ZFYVE9: variants seen among roughly 807,000 people sequenced by gnomAD.
ZFYVE9 encodes zinc finger FYVE-type containing 9.
In ZFYVE9, 43 loss-of-function variants were observed where a neutral mutation model predicts 126.7. The observed-to-expected ratio is 0.34, with a 90% CI of 0.27 to 0.44. The LOEUF is 0.44. ZFYVE9 is among the 20% of genes least tolerant of loss of function. The pLI, the probability that ZFYVE9 is intolerant of heterozygous loss-of-function variation, is 1.00. For missense variants in ZFYVE9, 1,476 were observed against 1,697.0 expected (o/e 0.87, Z 2.29); for synonymous variants, 521 against 597.4 (o/e 0.87, Z 1.87).
intron 1 of ZFYVE9, chr1:52,162,399 T>G: frequency 3.3e-6 from 1 of 305,818 alleles, no homozygotes. Context: ...GTTCTGCCCA[T>G]ATAGATGCCT....
chr1:52,270,840 G>A (rs949264656), intron 7 of ZFYVE9, among the ~76,000 whole-genome samples: 1 of 150,558 alleles, frequency 6.6e-6, no homozygotes, highest in African/African-American at 2.4e-5. Flanking sequence ...ACATTTTTTG[G>A]CAGTAATGAC....
intron 1 of ZFYVE9, among the ~76,000 whole-genome samples, chr1:52,152,020 G>C (rs1259448140): frequency 2.0e-5 from 3 of 151,220 alleles, no homozygotes; most frequent in Non-Finnish European, 4.4e-5. Flanking sequence ...ATGGAGTTTT[G>C]CTCTTGTTAC....
At chr1:52,198,319 C>T (rs895755294) in intron 1 of ZFYVE9, among the ~76,000 whole-genome samples, 5 of 151,666 alleles carry the variant, frequency 3.3e-5, no homozygotes, top group East Asian at 1.9e-4. Context: ...TGTGGGGTTT[C>T]GCTGGTCTCG....
At chr1:52,310,750 A>G (rs987324429) in intron 13 of ZFYVE9, among the ~76,000 whole-genome samples, 2 of 152,214 alleles carry the variant, frequency 1.3e-5, no homozygotes, top group Non-Finnish European at 2.9e-5. Flanking sequence ...TACATTTTGT[A>G]TGTAACCAGA....
chr1:52,188,307 G>A (rs186158400), intron 1 of ZFYVE9, among the ~76,000 whole-genome samples: 3 of 152,054 alleles, frequency 2.0e-5, no homozygotes, highest in East Asian at 1.9e-4. Context: ...GGGGAACAAC[G>A]GACACTGGGT....
intron 1 of ZFYVE9, among the ~76,000 whole-genome samples, chr1:52,204,026 T>A (rs1204185078): frequency 2.0e-5 from 3 of 152,206 alleles, no homozygotes; most frequent in Non-Finnish European, 4.4e-5. Flanking sequence ...GTCTGATAAT[T>A]CTAGCATCTC....
intron 1 of ZFYVE9, among the ~76,000 whole-genome samples, chr1:52,147,101 T>C (rs955731592): frequency 6.6e-6 from 1 of 152,206 alleles, no homozygotes; most frequent in African/African-American, 2.4e-5. Flanking sequence ...CGTATAAGTA[T>C]ACATGAAACA....
chr1:52,177,486 C>G (rs1163025308), intron 1 of ZFYVE9, among the ~76,000 whole-genome samples: 1 of 152,144 alleles, frequency 6.6e-6, no homozygotes, highest in African/African-American at 2.4e-5. Flanking sequence ...TCTGGGAGAT[C>G]TGTCCAGTAC....
rs188549022 is a variant in ZFYVE9, at chr1:52,225,251, C to T, written c.-36-7920C>T. Among the ~76,000 whole-genome samples, 36 of 152,200 alleles carry T rather than the reference C, an allele frequency of 2.4e-4. No individual in the cohort carries two copies. The East Asian group carries it at 3.7e-3, about 16-fold the overall frequency. On this transcript the variant is annotated intron_variant, in intron 2 of 18. Coordinates refer to ENST00000287727, the MANE Select transcript of ZFYVE9 (RefSeq NM_004799.4). ...GTCCGGATTTATTCGTCACTTTGGG[C>T]GAGATTCGATCCTCCACTCCTGGGG...
intron 2 of ZFYVE9, among the ~76,000 whole-genome samples, chr1:52,225,622 A>G (rs1645163919): frequency 6.6e-6 from 1 of 152,146 alleles, no homozygotes; most frequent in South Asian, 2.1e-4. Context: ...ATAGGGTAAA[A>G]GTGTGATTTG....
chr1:52,207,085 A>G (rs1223832927), intron 1 of ZFYVE9, among the ~76,000 whole-genome samples: 1 of 152,246 alleles, frequency 6.6e-6, no homozygotes, highest in Non-Finnish European at 1.5e-5. Flanking sequence ...CAGAAATAAT[A>G]TTTAATCAAA....
chr1:52,294,564 T>C (rs756715268), intron 11 of ZFYVE9, among the ~76,000 whole-genome samples: 1 of 152,196 alleles, frequency 6.6e-6, no homozygotes, highest in Non-Finnish European at 1.5e-5. Flanking sequence ...TCGGGAACTT[T>C]TATAAGGAAT....
intron 1 of ZFYVE9, among the ~76,000 whole-genome samples, chr1:52,184,393 A>ATTTTTTTTTTTTT (rs57242903): frequency 8.7e-6 from 1 of 115,072 alleles, no homozygotes; most frequent in African/African-American, 3.4e-5. Context: ...AGTCCAGCTA[A>ATTTTTTTTTTTTT]TTTTTTTTTT....
rs1219118156 is a variant in ZFYVE9 at position 52,263,862 on chromosome 1, G to A, written c.2268G>A (p.Val756=). 6.3e-7 allele frequency: 1 copy of A among 1,576,984 alleles called. No homozygotes were observed. Among genetic ancestry groups the A allele is most frequent in the South Asian group, 1.1e-5 (1 of 88,010 alleles). ...GAGTGTGTGTAATCTGCCATTCAGT[G>A]CTAATGAATGGTAAGTATTAAAACA... ...EARVCVICHS[V]LMNAQAWENM... is the part of the protein sequence containing the mutation. Residue 756 remains valine (V), a synonymous_variant, in exon 5 of 19, where the codon GTG becomes GTA. Coordinates refer to ENST00000287727, the MANE Select transcript of ZFYVE9 (RefSeq NM_004799.4).
At position 52,163,869 on chromosome 1, in the gene ZFYVE9, A is replaced by C. The variant is rs115112239; in HGVS notation, c.-143+21466A>C. 3.3e-5 allele frequency among the ~76,000 whole-genome samples: 5 copies of C among 152,292 alleles called. No homozygotes were observed. In the East Asian group the frequency reaches 9.7e-4, roughly 29 times the overall value. On this transcript the variant is annotated intron_variant, in intron 1 of 18. Transcript: ENST00000287727. Reference sequence around the variant, plus strand: ...CAAGAATCAAGCTCTAGGCCATGCAATTGGTGATGTGCTTTCAGATGGGTA... The same window carrying C: ...CAAGAATCAAGCTCTAGGCCATGCACTTGGTGATGTGCTTTCAGATGGGTA...
chr1:52,206,281 G>T (rs1404727521), intron 1 of ZFYVE9, among the ~76,000 whole-genome samples: 1 of 152,176 alleles, frequency 6.6e-6, no homozygotes, highest in Admixed American at 6.5e-5. Flanking sequence ...AACTGGTTAG[G>T]TGGATAGGTT....
rs968334100 is a variant in ZFYVE9 at position 52,142,544 on chromosome 1, C to T, written c.-143+141C>T. ...CACCCTGCGGTCCTGGGGCCTCAGC[C>T]CTTTCTCCCCGCGTCCCCCGGGAGG... On this transcript the variant is annotated intron_variant, in intron 1 of 18. Coordinates refer to ENST00000287727, the MANE Select transcript of ZFYVE9 (RefSeq NM_004799.4). The surrounding 1 kb of genome is among the most constrained non-coding windows in gnomAD (Gnocchi z 4.5). The T allele has an allele frequency of 6.6e-6, 1 of 152,166 alleles. No homozygotes were observed. The highest frequency in any genetic ancestry group is 2.4e-5 in the African/African-American group (1 of 41,456). The allele number at this position is 152,166 out of a possible 1,614,324, so 9.4% of individuals were successfully genotyped here.
intron 4 of ZFYVE9, among the ~76,000 whole-genome samples, chr1:52,261,041 G>A (rs2147794361): frequency 6.6e-6 from 1 of 151,896 alleles, no homozygotes; most frequent in East Asian, 1.9e-4. Context: ...GTCTCTTCTT[G>A]GCACCTCTTT....
chr1:52,263,753 T>TGGGGCG lies in ZFYVE9; in HGVS notation c.2179-20_2179-19insGGGGCG. On this transcript the variant is annotated intron_variant, in intron 4 of 18. Coordinates refer to ENST00000287727, the MANE Select transcript of ZFYVE9 (RefSeq NM_004799.4). The stretch of plus-strand genomic sequence containing the variant: ...ATCCCAAGTAAATTTTGTGTGTTCT[T>TGGGGCG]CCCCCCCCCCCCCCCACAGGTTTTC... 1 of 713,092 alleles carries TGGGGCG rather than the reference T, an allele frequency of 1.4e-6. No homozygotes were observed. 44.2% of individuals were successfully genotyped at this position (713,092 alleles called of 1,614,324 possible).
Sources: gnomAD v4.1 joint callset for allele counts (sites outside exome capture counted in the v4.1 genomes callset) on GRCh38, gnomAD v4.1.1 for gene constraint, Gnocchi (gnomAD v3.1) non-coding constraint, MANE v1.5 for transcripts, NCBI Gene and HGNC (gene_info 2026-07-23, HGNC 2026-07-21) for gene names.